SDK1: variants seen among roughly 807,000 people sequenced by gnomAD.
The protein encoded by SDK1 is sidekick cell adhesion molecule 1.
SDK1 carries 157 observed loss-of-function variants against 245.5 expected under a neutral mutation model. The observed-to-expected ratio is 0.64, with a 90% confidence interval of 0.56 to 0.73. The LOEUF (loss-of-function observed/expected upper bound fraction) is 0.73. Among genes scored for constraint, SDK1 ranks in the 30% least tolerant of loss-of-function variants. SDK1 has a pLI of 0.00. For missense variants in SDK1, 3,583 were observed against 3,002.3 expected (o/e 1.19, Z -4.52); for synonymous variants, 1,647 against 1,278.5 (o/e 1.29, Z -6.15).
At chr7:3,549,303 T>A (rs1779328901) in intron 1 of SDK1, among the ~76,000 whole-genome samples, 1 of 152,226 alleles carries the variant, frequency 6.6e-6, no homozygotes, top group African/African-American at 2.4e-5. Flanking sequence ...GTTGACACAG[T>A]ATTATTTATT....
intron 44 of SDK1, among the ~76,000 whole-genome samples, chr7:4,261,458 C>A (rs1328927131): frequency 6.6e-6 from 1 of 150,674 alleles, no homozygotes; most frequent in Non-Finnish European, 1.5e-5. Flanking sequence ...TGGCAGTTTT[C>A]CTTCTAGAGT....
At chr7:3,832,195 T>A (rs1779929704) in intron 5 of SDK1, among the ~76,000 whole-genome samples, 1 of 152,214 alleles carries the variant, frequency 6.6e-6, no homozygotes, top group South Asian at 2.1e-4. Context: ...TCTTATGCAG[T>A]TGATTACGTG....
chr7:4,215,689 C>T (rs1344782556), intron 38 of SDK1, among the ~76,000 whole-genome samples: 1 of 152,192 alleles, frequency 6.6e-6, no homozygotes, highest in Non-Finnish European at 1.5e-5. Context: ...TTGAGCCACT[C>T]GGTTTTGGAG....
intron 4 of SDK1, among the ~76,000 whole-genome samples, chr7:3,771,652 A>AT (rs1780408465): frequency 6.6e-6 from 1 of 151,860 alleles, no homozygotes; most frequent in South Asian, 2.1e-4. Flanking sequence ...AGAAATTGTT[A>AT]TTTTTTTCCA....
chr7:3,573,810 G>A (rs1195976953), intron 1 of SDK1, among the ~76,000 whole-genome samples: 1 of 151,848 alleles, frequency 6.6e-6, no homozygotes, highest in Non-Finnish European at 1.5e-5. Context: ...GAGAACCCTT[G>A]AAGCCCCCTG....
At position 3,857,454 on chromosome 7, in the gene SDK1, A is replaced by G. The variant is rs530951528; in HGVS notation, c.847+35871A>G. Among the ~76,000 whole-genome samples the G allele has an allele frequency of 4.6e-5, 7 of 152,250 alleles. No individual in the cohort carries two copies. The South Asian group carries it at 1.2e-3, about 27-fold the overall frequency. ...TCCCAGCACTTTGGGAGGACATGGCAGGGGGATTGTTTGTGCCCAGGAGTT... is the reference window on the plus strand; with the variant it reads ...TCCCAGCACTTTGGGAGGACATGGCGGGGGGATTGTTTGTGCCCAGGAGTT... On this transcript the variant is annotated intron_variant, in intron 5 of 44. Transcript: ENST00000404826.
intron 44 of SDK1, among the ~76,000 whole-genome samples, chr7:4,264,443 G>T: frequency 7.1e-6 from 1 of 140,444 alleles, no homozygotes; most frequent in African/African-American, 2.6e-5. Context: ...GGGTAAGGAA[G>T]GCCGCGTGGA....
chr7:3,845,892 G>C (rs1780266114), intron 5 of SDK1, among the ~76,000 whole-genome samples: 1 of 152,188 alleles, frequency 6.6e-6, no homozygotes, highest in South Asian at 2.1e-4. Context: ...GTGGTTTCTA[G>C]AATAAATTCA....
intron 4 of SDK1, among the ~76,000 whole-genome samples, chr7:3,675,559 TTTTG>T (rs56106932): frequency 0.73 from 110,310 of 150,866 alleles, 41,424 homozygotes; most frequent in African/African-American, 0.92. Context: ...CCCTACTCCT[TTTTG>T]TTTGTTTGTT....
intron 1 of SDK1, among the ~76,000 whole-genome samples, chr7:3,549,261 G>C (rs1324047326): frequency 3.3e-5 from 5 of 152,144 alleles, no homozygotes; most frequent in African/African-American, 1.2e-4. Context: ...CTTCCTGTGA[G>C]GATGCGTTGT....
At chr7:4,203,839 G>T (rs142378977) in intron 35 of SDK1, among the ~76,000 whole-genome samples, 1 of 152,380 alleles carries the variant, frequency 6.6e-6, no homozygotes, top group African/African-American at 2.4e-5. Context: ...ATGCTTTGTT[G>T]CCTGCAGTAA....
At chr7:4,180,873 G>A (rs1005455536) in intron 35 of SDK1, among the ~76,000 whole-genome samples, 1 of 150,306 alleles carries the variant, frequency 6.7e-6, no homozygotes, top group African/African-American at 2.4e-5. Flanking sequence ...ATCCCCTCCC[G>A]CCAGGCCCCA....
intron 1 of SDK1, among the ~76,000 whole-genome samples, chr7:3,431,217 CTA>C: frequency 6.6e-6 from 1 of 152,156 alleles, no homozygotes; most frequent in African/African-American, 2.4e-5. Flanking sequence ...CACTTTTAAA[CTA>C]AGAAAACAAT....
intron 4 of SDK1, among the ~76,000 whole-genome samples, chr7:3,806,117 G>A (rs184447878): frequency 9.8e-5 from 15 of 152,316 alleles, no homozygotes; most frequent in South Asian, 2.1e-4. Context: ...AGTCAGCAGC[G>A]TAAACTTTCT....
intron 1 of SDK1, among the ~76,000 whole-genome samples, chr7:3,358,487 T>G (rs961614642): frequency 1.3e-5 from 2 of 152,028 alleles, no homozygotes; most frequent in Admixed American, 6.6e-5. Context: ...CAGCTACTGC[T>G]CCTCGCAGAG....
chr7:3,452,785 T>A (rs1190689499), intron 1 of SDK1, among the ~76,000 whole-genome samples: 1 of 152,200 alleles, frequency 6.6e-6, no homozygotes. Flanking sequence ...GTTGACTGTT[T>A]CCAGAAGTCT....
chr7:3,602,225 T>C (rs1213486123), intron 1 of SDK1, among the ~76,000 whole-genome samples: 1 of 151,680 alleles, frequency 6.6e-6, no homozygotes, highest in Non-Finnish European at 1.5e-5. Context: ...ATGGTATTTC[T>C]AGTTCTAGAT....
intron 32 of SDK1, among the ~76,000 whole-genome samples, chr7:4,173,498 A>G (rs2128217252): frequency 6.6e-6 from 1 of 152,340 alleles, no homozygotes; most frequent in South Asian, 2.1e-4. Context: ...AGATTCCAGC[A>G]AGACCTGAAA....
chr7:4,015,222 A>C (rs1638504030), intron 16 of SDK1, among the ~76,000 whole-genome samples: 1 of 152,132 alleles, frequency 6.6e-6, no homozygotes, highest in Admixed American at 6.5e-5. Flanking sequence ...TTTTCCCAAC[A>C]CCACCCAGCT....
Sources: allele counts gnomAD v4.1 joint callset (sites outside exome capture counted in the v4.1 genomes callset), GRCh38; gene constraint gnomAD v4.1.1; transcripts MANE v1.5; gene names NCBI Gene and HGNC (gene_info 2026-07-23, HGNC 2026-07-21).